The following FAT2 variants were observed in gnomAD, a reference collection of about 807,000 sequenced individuals.
FAT2 encodes the protein FAT atypical cadherin 2, also known as protocadherin Fat 2.
In FAT2, 150 loss-of-function variants were observed where a neutral mutation model predicts 295.3. The ratio of observed to expected loss-of-function variants is 0.51; its 90% CI spans 0.44 to 0.58. FAT2 has a LOEUF of 0.58. Ranked by LOEUF, FAT2 falls within the 20% of genes least tolerant of loss-of-function variation. The pLI is 0.00. For missense variants in FAT2, 4,868 were observed against 5,442.7 expected (o/e 0.89, Z 3.32); for synonymous variants, 2,026 against 2,150.3 (o/e 0.94, Z 1.60).
rs1470940179 is a variant in FAT2 at position 151,545,168 on chromosome 5, G to T, written c.5959C>A (p.Leu1987Met). 1 of 1,614,190 alleles carries T rather than the reference G, an allele frequency of 6.2e-7. No individual in the cohort carries two copies. Among genetic ancestry groups the T allele is most frequent in the Admixed American group, 1.7e-5 (1 of 60,016 alleles). The part of the protein sequence containing the change: ...VKENLQDRKA[L>M]VILGAQGNHL... ...TTGCCCTGGGCACCAAGAATCACCA[G>T]TGCCTTTCTGTCCTGCAAGTTCTCC... Residue 1987 changes from leucine (L) to methionine (M), a missense_variant, in exon 10 of 24, where the codon CTG becomes ATG. Leu to Met is a conservative substitution (Grantham distance 15, BLOSUM62 2). Coordinates refer to ENST00000261800, the MANE Select transcript of FAT2 (RefSeq NM_001447.3).
intron 19 of FAT2, among the ~76,000 whole-genome samples, chr5:151,518,915 G>A (rs2127577090): frequency 6.6e-6 from 1 of 152,316 alleles, no homozygotes; most frequent in Non-Finnish European, 1.5e-5. Flanking sequence ...AAATAAGCTT[G>A]TCAGTTGTCA....
chr5:151,589,650 C>A (rs1376975137), intron 1 of FAT2, among the ~76,000 whole-genome samples: 5 of 152,014 alleles, frequency 3.3e-5, no homozygotes, highest in African/African-American at 1.2e-4. Flanking sequence ...AACCCCAGCA[C>A]TTTAGGGGGC....
rs778228742 is a variant in FAT2 at position 151,551,522 on chromosome 5, G to A, written c.4241C>T (p.Ser1414Leu). 2.5e-6 allele frequency: 4 copies of A among 1,614,178 alleles called. No individual in the cohort carries two copies. Among genetic ancestry groups the A allele is most frequent in the South Asian group, 1.1e-5 (1 of 91,074 alleles). The change falls in exon 7 of 24, where the codon TCG becomes TTG. Residue 1414 changes from serine to leucine, a missense_variant. This residue lies in a region of FAT2 where 3,297 missense variants were observed against 3,669.4 expected (regional missense o/e 0.90). Coordinates refer to ENST00000261800, the MANE Select transcript of FAT2 (RefSeq NM_001447.3). ...CACCTCAACAGTCAAGTTATAGTTC[G>A]ACCTTCTCCTGGTATCAAGAGGCCT... The part of the protein sequence containing the change: ...IARPLDTRRR[S>L]NYNLTVEVTD...
At chr5:151,590,659 C>T (rs1759361793) in intron 1 of FAT2, among the ~76,000 whole-genome samples, 1 of 152,192 alleles carries the variant, frequency 6.6e-6, no homozygotes, top group Non-Finnish European at 1.5e-5. Flanking sequence ...ACCAGACTAT[C>T]TGACTCTCCC....
rs2127608163 is a variant in FAT2 at position 151,543,713 on chromosome 5, T to C, written c.7414A>G (p.Thr2472Ala). The part of the protein sequence containing the change: ...RATVPVYINT[T>A]NANKYSPEFQ... ...TCTGGGCTGTACTTGTTGGCATTTG[T>C]AGTGTTGATGTACACAGGCACAGTT... Residue 2472 changes from threonine (T) to alanine (A), a missense_variant, in exon 10 of 24, where the codon ACA becomes GCA. Physicochemically the swap from Thr to Ala is moderately conservative, Grantham distance 58. This residue lies in a region of FAT2 where 3,297 missense variants were observed against 3,669.4 expected (regional missense o/e 0.90). Coordinates refer to ENST00000261800, the MANE Select transcript of FAT2 (RefSeq NM_001447.3). 6.2e-7 allele frequency: 1 copy of C among 1,614,188 alleles called. No individual in the cohort carries two copies. The highest frequency in any genetic ancestry group is 2.2e-5 in the East Asian group (1 of 44,884).
At chr5:151,523,061 C>T (rs1379240328) in intron 18 of FAT2, among the ~76,000 whole-genome samples, 1 of 152,200 alleles carries the variant, frequency 6.6e-6, no homozygotes, top group Non-Finnish European at 1.5e-5. Context: ...ATCACTTCCT[C>T]AGCTGTCAAC....
intron 18 of FAT2, among the ~76,000 whole-genome samples, chr5:151,522,454 G>T (rs1753571601): frequency 6.6e-6 from 1 of 152,174 alleles, no homozygotes; most frequent in African/African-American, 2.4e-5. Flanking sequence ...GCCCTCAGAT[G>T]TCTCAGCAAT....
intron 16 of FAT2, 117 bp from the exon 17 acceptor site, chr5:151,527,494 C>A (rs973014138): frequency 6.4e-6 from 6 of 938,660 alleles, no homozygotes; most frequent in Non-Finnish European, 9.1e-6. Context: ...CCTATGCCCA[C>A]CCCCACTGCC....
rs531281319 is a variant in FAT2, at chr5:151,507,403, T to C, written c.12268A>G (p.Ser4090Gly). Residue 4090 changes from serine to glycine, a missense_variant, in exon 23 of 24, where the codon AGT becomes GGT. Physicochemically the swap from Ser to Gly is moderately conservative, Grantham distance 56. This residue lies in a region of FAT2 where 492 missense variants were observed against 482.6 expected (regional missense o/e 1.02). Coordinates refer to ENST00000261800, the MANE Select transcript of FAT2 (RefSeq NM_001447.3). Reference protein sequence around the residue: ...AMEDPDLLARSVGVDTQAMPA... With the variant: ...AMEDPDLLARGVGVDTQAMPA... ...ATGGCTTGGGTGTCAACACCAACAC[T>C]CCTGGCCAGGAGGTCTGGGTCCTCC... The C allele has an allele frequency of 1.1e-5, 18 of 1,614,136 alleles. No homozygotes were observed. Among genetic ancestry groups the C allele is most frequent in the Non-Finnish European group, 1.5e-5 (18 of 1,180,014 alleles).
intron 21 of FAT2, 89 bp from the exon 22 acceptor site, chr5:151,510,263 C>A: frequency 1.4e-6 from 2 of 1,404,226 alleles, no homozygotes; most frequent in South Asian, 2.5e-5. Context: ...TTTGTGCAGC[C>A]GTTCAGTTAC....
At position 151,527,377 on chromosome 5, in the gene FAT2, C is replaced by A; in HGVS notation, c.10165G>T (p.Ala3389Ser). Reference sequence around the variant, plus strand: ...CGGAGCTTCAGGGAATAACTAGAGGCCTATTGCAAAATGTCCAGTGGAGGT... The same window carrying A: ...CGGAGCTTCAGGGAATAACTAGAGGACTATTGCAAAATGTCCAGTGGAGGT... ...QVAKALDREQ[A>S]SSYSLKLRAT... The change falls in exon 17 of 24, where the codon GCC (alanine) becomes TCC (serine). Residue 3389 changes from alanine to serine, a missense_variant and splice_region_variant. Ala to Ser is a moderately conservative substitution (Grantham distance 99, BLOSUM62 1). Around this residue, in one of 5 missense-constraint regions of FAT2, gnomAD observed 1,046 missense variants for 1,210.1 expected, o/e 0.86. Coordinates refer to ENST00000261800, the MANE Select transcript of FAT2 (RefSeq NM_001447.3). 2 of 1,599,318 alleles carry A rather than the reference C, an allele frequency of 1.3e-6. No individual in the cohort carries two copies. The highest frequency in any genetic ancestry group is 1.1e-5 in the South Asian group (1 of 89,520).
chr5:151,591,492 G>A (rs1759404828), upstream of FAT2, among the ~76,000 whole-genome samples: 1 of 152,184 alleles, frequency 6.6e-6, no homozygotes, highest in South Asian at 2.1e-4. Flanking sequence ...AATGAAAGGA[G>A]CTGAGAAATC....
At chr5:151,517,889 G>T in intron 19 of FAT2, 124 bp from the exon 20 acceptor site, 1 of 1,213,934 alleles carries the variant, frequency 8.2e-7, no homozygotes, top group Non-Finnish European at 1.2e-6. Flanking sequence ...TATACATGAA[G>T]AAACTAGGCT....
chr5:151,544,270 G>A lies in FAT2; in HGVS notation c.6857C>T (p.Pro2286Leu), dbSNP rs139412168. 2.7e-5 allele frequency: 43 copies of A among 1,614,112 alleles called. No individual in the cohort carries two copies. In the African/African-American group the frequency reaches 5.2e-4, roughly 20 times the overall value. Residue 2286 changes from proline to leucine, a missense_variant, in exon 10 of 24, where the codon CCT (proline) becomes CTT (leucine). Physicochemically the swap from Pro to Leu is moderately conservative, Grantham distance 98. Around this residue, in one of 5 missense-constraint regions of FAT2, gnomAD observed 3,297 missense variants for 3,669.4 expected, o/e 0.90. Transcript: ENST00000261800. ...VYTTSISEGL[P>L]AQTPVIQLLA... ...CAGTTGGATCACAGGGGTCTGAGCAGGCAAGCCTTCTGAGATGGAAGTGGT... is the reference window on the plus strand; with the variant it reads ...CAGTTGGATCACAGGGGTCTGAGCAAGCAAGCCTTCTGAGATGGAAGTGGT...
In FAT2 at chr5:151,567,791, C is replaced by A. The variant is rs149703698; in HGVS notation, c.1141G>T (p.Val381Leu). The change falls in exon 2 of 24, where the codon GTG (valine) becomes TTG (leucine). Residue 381 changes from valine (V) to leucine (L), a missense_variant. Coordinates refer to ENST00000261800, the MANE Select transcript of FAT2 (RefSeq NM_001447.3). The stretch of plus-strand genomic sequence containing the variant: ...GCTGGGGTGACTCTCACCATCACCA[C>A]GCGGCTGCCAGGAGGGGAAAACTCA... Reference protein sequence around the residue: ...LSEFSPPGSRVVMVRVTPAFP... With the variant: ...LSEFSPPGSRLVMVRVTPAFP... The A allele has an allele frequency of 6.2e-7, 1 of 1,614,144 alleles. No homozygotes were observed.
Position 151,542,704 on chromosome 5 carries a change from TC to T in FAT2, c.8422del (p.Glu2808ArgfsTer12). On this transcript the variant is annotated frameshift_variant, in exon 10 of 24. Transcript: ENST00000261800. LOFTEE classifies it high-confidence loss of function. ...GACTGAGGTCCCCACTGGCATATTC[TC>T]AGTGAGGACAGCCTTATATGGATCA... Reference protein sequence around the residue: ...EADPYKAVLTENMPVGTSVIQ... With the variant: ...EADPYKAVLTXNMPVGTSVIQ... The T allele has an allele frequency of 6.2e-7, 1 of 1,614,244 alleles. No homozygotes were observed. Among genetic ancestry groups the T allele is most frequent in the South Asian group, 1.1e-5 (1 of 91,082 alleles).
In FAT2 at chr5:151,505,696, G is replaced by A; in HGVS notation, c.12919C>T (p.Pro4307Ser). The A allele has an allele frequency of 6.2e-7, 1 of 1,613,972 alleles. No homozygotes were observed. Among genetic ancestry groups the A allele is most frequent in the South Asian group, 1.1e-5 (1 of 91,082 alleles). ...TCCACCTCACAGACAGCATAAGAGG[G>A]CCCAGCTCGGCTGAGGCGCATACCC... The part of the protein sequence containing the change: ...GVGMRLSRAG[P>S]SYAVCEVEGA... The change falls in exon 24 of 24, where the codon CCC becomes TCC. Residue 4307 changes from proline (P) to serine (S), a missense_variant. Around this residue, in one of 5 missense-constraint regions of FAT2, gnomAD observed 492 missense variants for 482.6 expected, o/e 1.02. Coordinates refer to ENST00000261800, the MANE Select transcript of FAT2 (RefSeq NM_001447.3).
In FAT2 at chr5:151,512,934, A is replaced by G. The variant is rs773459282; in HGVS notation, c.11464-328T>C. Among the ~76,000 whole-genome samples the G allele has an allele frequency of 6.6e-6, 1 of 152,192 alleles. No homozygotes were observed. Among genetic ancestry groups the G allele is most frequent in the Non-Finnish European group, 1.5e-5 (1 of 68,032 alleles). ...TTCACAGGCCTGTCCAGAGTTCCAC[A>G]CTTGTGAATATTGGCCTTCAGCGAT... On this transcript the variant is annotated intron_variant, in intron 20 of 23. Coordinates refer to ENST00000261800, the MANE Select transcript of FAT2 (RefSeq NM_001447.3). The surrounding 1 kb of genome is among the most constrained non-coding windows in gnomAD (Gnocchi z 4.1).
intron 3 of FAT2, among the ~76,000 whole-genome samples, chr5:151,562,668 A>G (rs190998599): frequency 5.9e-4 from 90 of 152,316 alleles, no homozygotes; most frequent in Admixed American, 4.0e-3. Context: ...GTTTTGTGGA[A>G]TTTTCTAATT....
Sources: allele counts gnomAD v4.1 joint callset (sites outside exome capture counted in the v4.1 genomes callset), GRCh38; gene constraint gnomAD v4.1.1; regional missense constraint gnomAD v4.1.1; non-coding constraint Gnocchi (gnomAD v3.1); transcripts MANE v1.5; gene names NCBI Gene and HGNC (gene_info 2026-07-23, HGNC 2026-07-21).